ANO2: variants seen among roughly 807,000 people sequenced by gnomAD.
ANO2 encodes the protein anoctamin 2, also known as anoctamin-2.
A neutral mutation model predicts 124.2 loss-of-function variants in ANO2; 101 were observed. That is an observed-to-expected ratio of 0.81 (90% CI 0.69 to 0.96). The LOEUF (loss-of-function observed/expected upper bound fraction) is 0.96. Among genes scored for constraint, ANO2 ranks in the 40% least tolerant of loss-of-function variants. ANO2 has a pLI of 0.00. For synonymous variants in ANO2, 486 were observed against 482.5 expected (o/e 1.01, Z -0.09); for missense variants, 1,293 against 1,274.5 (o/e 1.01, Z -0.22).
intron 19 of ANO2, among the ~76,000 whole-genome samples, chr12:5,610,977 T>TC (rs1944517232): frequency 6.9e-6 from 1 of 144,662 alleles, no homozygotes; most frequent in East Asian, 2.0e-4. Flanking sequence ...CTCTGCTTTT[T>TC]TTTTTTTTTT....
chr12:5,710,342 AC>A (rs1949766168), intron 14 of ANO2, among the ~76,000 whole-genome samples: 1 of 152,218 alleles, frequency 6.6e-6, no homozygotes, highest in Admixed American at 6.5e-5. Context: ...GGCAGAGATG[AC>A]CAAGAACACT....
At chr12:5,681,028 G>A (rs996424716) in intron 14 of ANO2, among the ~76,000 whole-genome samples, 5 of 152,206 alleles carry the variant, frequency 3.3e-5, no homozygotes, top group Non-Finnish European at 7.3e-5. Flanking sequence ...ATGGGTACTA[G>A]TTCCAGGCCC....
chr12:5,826,465 T>G (rs1329410147), intron 7 of ANO2, among the ~76,000 whole-genome samples: 1 of 56,490 alleles, frequency 1.8e-5, no homozygotes, highest in Non-Finnish European at 4.2e-5. Context: ...TATATATATA[T>G]ATATATATAT....
intron 12 of ANO2, chr12:5,740,969 C>G (rs76110285): frequency 1.3e-5 from 2 of 152,796 alleles, no homozygotes; most frequent in African/African-American, 4.8e-5. Flanking sequence ...CCTATCCTGA[C>G]CCAGCTCAAG....
At chr12:5,613,083 C>T in intron 17 of ANO2, 125 bp from the exon 18 acceptor site, 1 of 906,854 alleles carries the variant, frequency 1.1e-6, no homozygotes, top group East Asian at 2.5e-5. Flanking sequence ...AGGGCGAGTG[C>T]TAGATCACTC....
intron 23 of ANO2, 110 bp downstream of exon 23, chr12:5,575,724 G>T: frequency 1.6e-6 from 2 of 1,278,848 alleles, no homozygotes; most frequent in South Asian, 1.5e-5. Context: ...GTCTGCTGTT[G>T]TCCAAAACAT....
Position 5,635,599 on chromosome 12 carries a change from T to TCACTCA in ANO2, c.1621-253_1621-252insTGAGTG. Reference sequence around the variant, plus strand: ...TTTTTGTCAGATTCCAAATGATTTATCACACACACACACACACACACACAC... The same window carrying TCACTCA: ...TTTTTGTCAGATTCCAAATGATTTATCACTCACACACACACACACACACACACACAC... On this transcript the variant is annotated intron_variant, in intron 15 of 24. Transcript: ENST00000682330. The surrounding 1 kb of genome is among the most constrained non-coding windows in gnomAD (Gnocchi z 5.2). Among the ~76,000 whole-genome samples, 2 of 146,906 alleles carry TCACTCA rather than the reference T, an allele frequency of 1.4e-5. No individual in the cohort carries two copies. The highest frequency in any genetic ancestry group is 4.1e-4 in the East Asian group (2 of 4,938).
intron 10 of ANO2, among the ~76,000 whole-genome samples, chr12:5,782,928 C>G (rs1591611274): frequency 6.6e-6 from 1 of 152,192 alleles, no homozygotes; most frequent in South Asian, 2.1e-4. Context: ...TCACAGAATG[C>G]CACATCTGTG....
intron 7 of ANO2, among the ~76,000 whole-genome samples, chr12:5,809,817 G>A (rs1029959429): frequency 9.9e-5 from 15 of 152,170 alleles, no homozygotes; most frequent in Admixed American, 2.6e-4. Flanking sequence ...TCACCTGTGC[G>A]TCTCACCGCA....
intron 19 of ANO2, among the ~76,000 whole-genome samples, chr12:5,610,050 T>TA (rs1944414506): frequency 7.3e-6 from 1 of 136,606 alleles, no homozygotes. Flanking sequence ...TATAAATATA[T>TA]TATATATAAA....
At chr12:5,942,147 C>T (rs1410980267) in intron 1 of ANO2, among the ~76,000 whole-genome samples, 1 of 152,140 alleles carries the variant, frequency 6.6e-6, no homozygotes, top group Non-Finnish European at 1.5e-5. Context: ...TGTCACTGCT[C>T]CAAATAGACT....
At chr12:5,694,199 A>C (rs905127373) in intron 14 of ANO2, among the ~76,000 whole-genome samples, 1 of 150,074 alleles carries the variant, frequency 6.7e-6, no homozygotes, top group African/African-American at 2.5e-5. Flanking sequence ...GCCAGTCCCC[A>C]AAGCTTCGAG....
intron 14 of ANO2, among the ~76,000 whole-genome samples, chr12:5,669,751 C>G (rs1217395134): frequency 6.6e-6 from 1 of 152,116 alleles, no homozygotes; most frequent in Non-Finnish European, 1.5e-5. Flanking sequence ...TCCATGCACC[C>G]TCAGTACTTG....
intron 10 of ANO2, among the ~76,000 whole-genome samples, chr12:5,753,492 T>C (rs920489459): frequency 3.3e-5 from 5 of 152,244 alleles, no homozygotes; most frequent in African/African-American, 1.2e-4. Context: ...TTTTTCATTT[T>C]GGCAGAGTGA....
chr12:5,644,786 A>G (rs1946547371), intron 15 of ANO2, among the ~76,000 whole-genome samples: 1 of 152,150 alleles, frequency 6.6e-6, no homozygotes, highest in African/African-American at 2.4e-5. Flanking sequence ...TTGTCTATAA[A>G]TATCTTTATT....
chr12:5,616,537 G>A lies in ANO2; in HGVS notation c.1817-1240C>T, dbSNP rs186143378. ...CACAGTCTTCAGAGGTAGAAGAAAA[G>A]CACTAATACTACATCATATGGACCA... On this transcript the variant is annotated intron_variant, in intron 16 of 24. Transcript: ENST00000682330. Among the ~76,000 whole-genome samples the A allele has an allele frequency of 5.3e-5, 8 of 152,288 alleles. No individual in the cohort carries two copies. In the East Asian group the frequency reaches 5.8e-4, roughly 11 times the overall value.
chr12:5,732,794 C>T (rs1368144811), intron 13 of ANO2, 164 bp from the exon 14 acceptor site: 2 of 1,600,590 alleles, frequency 1.2e-6, no homozygotes, highest in African/African-American at 1.3e-5. Context: ...GACATCACAT[C>T]CTAACATAAG....
chr12:5,591,680 T>C (rs1268122479), intron 20 of ANO2, among the ~76,000 whole-genome samples: 1 of 152,200 alleles, frequency 6.6e-6, no homozygotes, highest in African/African-American at 2.4e-5. Context: ...TTAGCACTGT[T>C]CATCTCTAGG....
chr12:5,659,345 T>C (rs1157540763), intron 14 of ANO2, among the ~76,000 whole-genome samples: 1 of 152,194 alleles, frequency 6.6e-6, no homozygotes, highest in East Asian at 1.9e-4. Flanking sequence ...GTCACCATAA[T>C]GTCAGCCTGC....
Sources: gnomAD v4.1 joint callset for allele counts (sites outside exome capture counted in the v4.1 genomes callset) on GRCh38, gnomAD v4.1.1 for gene constraint, Gnocchi (gnomAD v3.1) non-coding constraint, MANE v1.5 for transcripts, NCBI Gene and HGNC (gene_info 2026-07-23, HGNC 2026-07-21) for gene names.